The following ZNF451 variants were observed in gnomAD, a reference collection of about 807,000 sequenced individuals.
The protein encoded by ZNF451 is E3 SUMO-protein ligase ZNF451.
Under a neutral mutation model 107.1 loss-of-function variants are expected in ZNF451, and 80 were observed. That is an observed-to-expected ratio of 0.75 (90% CI 0.62 to 0.90). The LOEUF (loss-of-function observed/expected upper bound fraction) is 0.90, where lower values mean the gene tolerates loss of function less well. ZNF451 is among the 40% of genes least tolerant of loss of function. The pLI is 0.00. For synonymous variants in ZNF451, 362 were observed against 406.5 expected, an observed-to-expected ratio of 0.89 and a Z score of 1.32; for missense variants, 1,107 against 1,236.2, an observed-to-expected ratio of 0.90 and a Z score of 1.57.
chr6:57,137,820 G>A (rs563803483), intron 7 of ZNF451, among the ~76,000 whole-genome samples: 2 of 152,238 alleles, frequency 1.3e-5, no homozygotes, highest in East Asian at 3.9e-4. Context: ...TTTATCTATT[G>A]TGGATATTTT....
chr6:57,137,063 C>T (rs900199521), intron 7 of ZNF451, among the ~76,000 whole-genome samples: 13 of 152,226 alleles, frequency 8.5e-5, no homozygotes, highest in Middle Eastern at 3.4e-3. Context: ...TGCTTATGTA[C>T]GAGATTGTTA....
chr6:57,116,735 A>G (rs1484602727), intron 3 of ZNF451: 1 of 151,800 alleles, frequency 6.6e-6, no homozygotes, highest in Non-Finnish European at 1.5e-5. Context: ...CTTTTCCTCT[A>G]CTCCTAGCAG....
intron 3 of ZNF451, chr6:57,108,283 C>T (rs751384465): frequency 9.9e-5 from 98 of 985,242 alleles, no homozygotes; most frequent in Non-Finnish European, 1.1e-4. Context: ...TTTCATTACC[C>T]GTAAGAGTGG....
Position 57,148,186 on chromosome 6 carries a change from A to G in ZNF451, c.2101A>G (p.Thr701Ala), listed in dbSNP as rs142225106. ...SIDYVFVSEK[T>A]ETSIKTEDDF... The stretch of plus-strand genomic sequence containing the variant: ...AGATTATGTATTTGTGTCAGAAAAA[A>G]CTGAAACTTCAATTAAAACCGAAGA... Residue 701 changes from threonine (T) to alanine (A), a missense_variant, in exon 10 of 15, where the codon ACT (threonine) becomes GCT (alanine). Coordinates refer to ENST00000370706, the MANE Select transcript of ZNF451 (RefSeq NM_001031623.3). 1 of 1,614,070 alleles carries G rather than the reference A, an allele frequency of 6.2e-7. No individual in the cohort carries two copies. The highest frequency in any genetic ancestry group is 8.5e-7 in the Non-Finnish European group (1 of 1,179,964).
chr6:57,107,594 A>C (rs995208053), intron 3 of ZNF451: 64 of 985,178 alleles, frequency 6.5e-5, no homozygotes, highest in Non-Finnish European at 7.6e-5. Context: ...ATTTATTATA[A>C]TACAGCTCTG....
At chr6:57,102,615 A>T (rs917931982) in intron 3 of ZNF451, 13 of 986,198 alleles carry the variant, frequency 1.3e-5, no homozygotes, top group Non-Finnish European at 1.6e-5. Context: ...TTATGTCAAG[A>T]TGGTCAACTC....
chr6:57,105,447 G>A (rs1829808264), intron 3 of ZNF451: 1 of 985,112 alleles, frequency 1.0e-6, no homozygotes, highest in Non-Finnish European at 1.2e-6. Flanking sequence ...TATATTGCTG[G>A]TGGTATTTAT....
intron 4 of ZNF451, 40 bp downstream of exon 4, chr6:57,124,899 ATTAT>A (rs1172876805): frequency 7.8e-7 from 1 of 1,284,876 alleles, no homozygotes; most frequent in Non-Finnish European, 1.0e-6. Flanking sequence ...TAATTAAAAA[ATTAT>A]TTATAATAAA....
chr6:57,145,445 C>A (rs952302764), intron 9 of ZNF451, among the ~76,000 whole-genome samples: 3 of 152,130 alleles, frequency 2.0e-5, no homozygotes, highest in Non-Finnish European at 4.4e-5. Flanking sequence ...CAACCCTCAC[C>A]CATTTCCCAA....
intron 2 of ZNF451, among the ~76,000 whole-genome samples, chr6:57,096,883 C>A (rs1337312417): frequency 1.4e-5 from 2 of 139,438 alleles, no homozygotes; most frequent in East Asian, 4.7e-4. Flanking sequence ...TCAAGCAATT[C>A]ATCTGCCTCA....
At position 57,147,463 on chromosome 6, in the gene ZNF451, G is replaced by C; in HGVS notation, c.1378G>C (p.Ala460Pro). The change falls in exon 10 of 15, where the codon GCT becomes CCT. Residue 460 changes from alanine (A) to proline (P), a missense_variant. Ala to Pro is a conservative substitution (Grantham distance 27). Coordinates refer to ENST00000370706, the MANE Select transcript of ZNF451 (RefSeq NM_001031623.3). ...NLKDKSHEGV[A>P]CVQKEKSVVK... ...AAAAGATAAAAGCCATGAAGGTGTT[G>C]CTTGTGTCCAGAAAGAAAAATCAGT... 1 of 1,614,124 alleles carries C rather than the reference G, an allele frequency of 6.2e-7. No homozygotes were observed. The highest frequency in any genetic ancestry group is 8.5e-7 in the Non-Finnish European group (1 of 1,179,974).
intron 9 of ZNF451, among the ~76,000 whole-genome samples, chr6:57,143,489 T>C (rs1043689602): frequency 1.2e-4 from 19 of 152,242 alleles, no homozygotes; most frequent in African/African-American, 4.1e-4. Context: ...TATCTTTGTC[T>C]AGCTCTTAAA....
At chr6:57,113,028 A>G (rs989358393) in intron 3 of ZNF451, among the ~76,000 whole-genome samples, 4 of 152,078 alleles carry the variant, frequency 2.6e-5, no homozygotes, top group African/African-American at 9.7e-5. Flanking sequence ...GTTCAGGGGT[A>G]CATTTACAGG....
At chr6:57,125,264 C>T (rs1830878774) in intron 4 of ZNF451, among the ~76,000 whole-genome samples, 1 of 152,064 alleles carries the variant, frequency 6.6e-6, no homozygotes, top group South Asian at 2.1e-4. Flanking sequence ...TTAGCTTATC[C>T]TTCCAAATTA....
chr6:57,150,578 C>A, intron 10 of ZNF451, 141 bp from the exon 11 acceptor site: 1 of 763,080 alleles, frequency 1.3e-6, no homozygotes, highest in Non-Finnish European at 2.0e-6. Context: ...ATTTGGATTT[C>A]ACAAAAAGGT....
intron 3 of ZNF451, chr6:57,105,200 G>A (rs1361067042): frequency 2.0e-6 from 2 of 985,062 alleles, no homozygotes; most frequent in African/African-American, 3.5e-5. Context: ...AATACCTCTA[G>A]GTTTTCTAGG....
At chr6:57,154,953 T>C (rs1763339988) in intron 13 of ZNF451, among the ~76,000 whole-genome samples, 1 of 152,092 alleles carries the variant, frequency 6.6e-6, no homozygotes, top group Non-Finnish European at 1.5e-5. Flanking sequence ...TTCTGGAGAA[T>C]TTTGCTGTAA....
At chr6:57,142,320 G>C (rs1296234572) in intron 9 of ZNF451, among the ~76,000 whole-genome samples, 3 of 152,052 alleles carry the variant, frequency 2.0e-5, no homozygotes, top group Non-Finnish European at 4.4e-5. Flanking sequence ...TAAGTTTTGT[G>C]TATGTTCTTC....
At chr6:57,125,077 CTGAG>C (rs1283290237) in intron 4 of ZNF451, among the ~76,000 whole-genome samples, 2 of 152,028 alleles carry the variant, frequency 1.3e-5, no homozygotes, top group South Asian at 2.1e-4. Flanking sequence ...ATAAAATTAA[CTGAG>C]TGGACTTCAT....
Sources: gnomAD v4.1 joint callset for allele counts (sites outside exome capture counted in the v4.1 genomes callset) on GRCh38, gnomAD v4.1.1 for gene constraint, MANE v1.5 for transcripts, NCBI Gene and HGNC (gene_info 2026-07-23, HGNC 2026-07-21) for gene names.